NUMA1: variants seen among roughly 807,000 people sequenced by gnomAD.
NUMA1 encodes the protein nuclear mitotic apparatus protein 1, also known as SP-H antigen.
NUMA1 carries 62 observed loss-of-function variants against 237.1 expected under a neutral mutation model. The observed-to-expected ratio is 0.26, with a 90% CI of 0.21 to 0.32. The LOEUF (loss-of-function observed/expected upper bound fraction) is 0.32, where lower values mean the gene tolerates loss of function less well. NUMA1 is among the 10% of genes least tolerant of loss of function. The probability of loss-of-function intolerance (pLI) is 1.00; values close to 1 mark genes in which losing one functional copy is unlikely to be tolerated. For synonymous variants in NUMA1, 1,028 were observed against 1,066.1 expected (o/e 0.96, Z 0.70); for missense variants, 2,533 against 2,666.5 (o/e 0.95, Z 1.10).
At chr11:72,066,799 G>A (rs905118618) in intron 2 of NUMA1, 1 of 152,240 alleles carries the variant, frequency 6.6e-6, no homozygotes, top group Non-Finnish European at 1.5e-5. Context: ...CTGGAGGGCA[G>A]AAACCATTTT....
At chr11:72,047,066 T>C (rs958161776) in intron 2 of NUMA1, among the ~76,000 whole-genome samples, 11 of 151,952 alleles carry the variant, frequency 7.2e-5, no homozygotes, top group Admixed American at 7.2e-4. Context: ...AGCACAAAGG[T>C]TATTTCAAAG....
In NUMA1 at chr11:72,012,885, A is replaced by T; in HGVS notation, c.4608+10T>A. On this transcript the variant is annotated intron_variant, in intron 15 of 26. Coordinates refer to ENST00000393695, the MANE Select transcript of NUMA1 (RefSeq NM_006185.4). ...GATCTTTGGGAGGGTGGTTGGGCTG[A>T]GTACCTTACCTGGGCAGTGAGTTTC... 1 of 1,611,574 alleles carries T rather than the reference A, an allele frequency of 6.2e-7. No homozygotes were observed. The highest frequency in any genetic ancestry group is 2.2e-5 in the East Asian group (1 of 44,846).
At chr11:72,055,564 A>G (rs1178905906) in intron 2 of NUMA1, among the ~76,000 whole-genome samples, 3 of 152,192 alleles carry the variant, frequency 2.0e-5, no homozygotes, top group African/African-American at 7.2e-5. Flanking sequence ...GGCTAATGGT[A>G]TGCTGGTAAT....
chr11:72,016,551 T>C (rs1937787475), intron 13 of NUMA1, 21 bp from the exon 14 acceptor site: 1 of 1,611,674 alleles, frequency 6.2e-7, no homozygotes, highest in Non-Finnish European at 8.5e-7. Context: ...ATGAGACCCA[T>C]GTGAACAGAG....
At chr11:72,042,570 G>A (rs1941749508) in intron 2 of NUMA1, among the ~76,000 whole-genome samples, 1 of 152,204 alleles carries the variant, frequency 6.6e-6, no homozygotes, top group African/African-American at 2.4e-5. Context: ...AGAGAAAGCA[G>A]AGAGGAGGCA....
intron 26 of NUMA1, 40 bp from the exon 27 acceptor site, chr11:72,003,578 G>T: frequency 2.5e-6 from 4 of 1,613,570 alleles, no homozygotes; most frequent in Non-Finnish European, 3.4e-6. Flanking sequence ...GAGAACTTGC[G>T]ATACTAGCCT....
chr11:72,057,062 A>C (rs1356059155), intron 2 of NUMA1, among the ~76,000 whole-genome samples: 1 of 151,838 alleles, frequency 6.6e-6, no homozygotes, highest in Admixed American at 6.6e-5. Flanking sequence ...TCAGTGTTAA[A>C]ATATTAAAAA....
intron 17 of NUMA1, among the ~76,000 whole-genome samples, chr11:72,009,958 C>T (rs1352691806): frequency 1.3e-5 from 2 of 152,232 alleles, no homozygotes; most frequent in Non-Finnish European, 2.9e-5. Flanking sequence ...GCCTCCTGTC[C>T]AGACCATAAC....
intron 21 of NUMA1, 63 bp downstream of exon 21, chr11:72,007,126 C>A: frequency 6.3e-7 from 1 of 1,585,008 alleles, no homozygotes; most frequent in South Asian, 1.1e-5. Flanking sequence ...GTGCCCAGTG[C>A]AAAGATGCCC....
At chr11:72,018,620 G>A in intron 10 of NUMA1, 107 bp from the exon 11 acceptor site, 2 of 1,082,950 alleles carry the variant, frequency 1.8e-6, no homozygotes, top group East Asian at 2.4e-5. Context: ...ACGGCATAGG[G>A]AAGAGGAGGA....
chr11:72,014,801 T>A lies in NUMA1; in HGVS notation c.2702A>T (p.Asp901Val). The A allele has an allele frequency of 6.2e-7, 1 of 1,614,018 alleles. No homozygotes were observed. Among genetic ancestry groups the A allele is most frequent in the Non-Finnish European group, 8.5e-7 (1 of 1,179,986 alleles). The change falls in exon 15 of 27, where the codon GAC (aspartate) becomes GTC (valine). Residue 901 changes from aspartate to valine, a missense_variant. Coordinates refer to ENST00000393695, the MANE Select transcript of NUMA1 (RefSeq NM_006185.4). This position sits in a 1 kb window ranked among gnomAD's most constrained non-coding sequence, Gnocchi z 4.6. ...KEVRAQKLAD[D>V]LSTLQEKMAA... is the part of the protein sequence containing the mutation. ...CATCTTTTCCTGCAGAGTGGAGAGGTCATCTGCAAGCTTCTGGGCCCTGAC... is the reference window on the plus strand; with the variant it reads ...CATCTTTTCCTGCAGAGTGGAGAGGACATCTGCAAGCTTCTGGGCCCTGAC...
At chr11:72,018,749 G>A in intron 10 of NUMA1, 74 bp downstream of exon 10, 1 of 1,525,900 alleles carries the variant, frequency 6.6e-7, no homozygotes, top group Non-Finnish European at 8.8e-7. Flanking sequence ...CCAGCAGAGG[G>A]GACAACATGG....
chr11:72,053,955 C>T (rs544076370), intron 2 of NUMA1, among the ~76,000 whole-genome samples: 2 of 152,120 alleles, frequency 1.3e-5, no homozygotes, highest in South Asian at 4.1e-4. Flanking sequence ...ATACGAAGGA[C>T]GTGTGAAGGT....
chr11:72,003,472 C>T lies in NUMA1; in HGVS notation c.*55G>A. On this transcript the variant is annotated 3_prime_UTR_variant, in exon 27 of 27. Transcript: ENST00000393695. ...ACTGAGAGGGACAGTAGGCGGAGGA[C>T]CAGGTGAGGTCAGCATCGGGGACAC... 3.8e-6 allele frequency: 6 copies of T among 1,567,136 alleles called. No homozygotes were observed. Among genetic ancestry groups the T allele is most frequent in the Non-Finnish European group, 5.3e-6 (6 of 1,136,912 alleles).
chr11:72,057,068 A>T (rs1295346909), intron 2 of NUMA1, among the ~76,000 whole-genome samples: 3 of 151,320 alleles, frequency 2.0e-5, no homozygotes, highest in Non-Finnish European at 4.4e-5. Flanking sequence ...TTAAAATATT[A>T]AAAAAGCAAA....
intron 2 of NUMA1, among the ~76,000 whole-genome samples, chr11:72,056,331 T>C (rs1275864730): frequency 6.7e-6 from 1 of 150,182 alleles, no homozygotes; most frequent in Non-Finnish European, 1.5e-5. Context: ...CTCTCTTTTT[T>C]TTTTTTTGAG....
chr11:72,004,495 T>G, intron 24 of NUMA1, 145 bp downstream of exon 24: 1 of 1,201,298 alleles, frequency 8.3e-7, no homozygotes, highest in Non-Finnish European at 1.2e-6. Context: ...TTCCCAACAG[T>G]TCCCATCCAT....
intron 2 of NUMA1, among the ~76,000 whole-genome samples, chr11:72,045,399 G>A (rs917006286): frequency 6.6e-5 from 10 of 152,130 alleles, no homozygotes; most frequent in Non-Finnish European, 1.3e-4. Flanking sequence ...TTATCCAAAG[G>A]AGCACCATGA....
chr11:72,006,964 A>C (rs1955763994), intron 21 of NUMA1, among the ~76,000 whole-genome samples: 1 of 152,164 alleles, frequency 6.6e-6, no homozygotes. Flanking sequence ...GCATGGAGAG[A>C]ATGCTAGCCT....
Sources: gnomAD v4.1 joint callset for allele counts (sites outside exome capture counted in the v4.1 genomes callset) on GRCh38, gnomAD v4.1.1 for gene constraint, Gnocchi (gnomAD v3.1) non-coding constraint, MANE v1.5 for transcripts, NCBI Gene and HGNC (gene_info 2026-07-23, HGNC 2026-07-21) for gene names.